The following DHODH variants were observed in gnomAD, a reference collection of about 807,000 sequenced individuals.
DHODH encodes dihydroorotate dehydrogenase (quinone).
In DHODH, 30 loss-of-function variants were observed where a neutral mutation model predicts 39.7. The observed-to-expected ratio is 0.76, with a 90% confidence interval of 0.57 to 1.02. The LOEUF (loss-of-function observed/expected upper bound fraction) is 1.02, where lower values mean the gene tolerates loss of function less well. Ranked by LOEUF, DHODH falls within the 50% of genes least tolerant of loss-of-function variation. The pLI, the probability that DHODH is intolerant of heterozygous loss-of-function variation, is 0.00. For synonymous variants in DHODH, 222 were observed against 213.8 expected (o/e 1.04, Z -0.34); for missense variants, 531 against 520.8 (o/e 1.02, Z -0.19).
At chr16:72,017,352 G>C (rs552170618) in intron 4 of DHODH, among the ~76,000 whole-genome samples, 1 of 152,274 alleles carries the variant, frequency 6.6e-6, no homozygotes, top group Non-Finnish European at 1.5e-5. Flanking sequence ...ACCGTAACTA[G>C]GGAGGCCTGA....
chr16:72,014,629 C>G lies in DHODH; in HGVS notation c.391C>G (p.Pro131Ala), dbSNP rs1168645393. ...AAAACCTCAGGAAGGAAACCCTAGA[C>G]CCAGAGTCTTCCGCCTCCCTGAGGA... ...TPKPQEGNPR[P>A]RVFRLPEDQA... The change falls in exon 3 of 9, where the codon CCC (proline) becomes GCC (alanine). Residue 131 changes from proline (P) to alanine (A), a missense_variant. Transcript: ENST00000219240. The G allele has an allele frequency of 3.7e-6, 6 of 1,614,140 alleles. No homozygotes were observed. Among genetic ancestry groups the G allele is most frequent in the Admixed American group, 1.7e-5 (1 of 60,016 alleles).
At chr16:72,021,404 C>G in intron 5 of DHODH, 93 bp downstream of exon 5, 18 of 1,375,502 alleles carry the variant, frequency 1.3e-5, no homozygotes, top group Admixed American at 2.0e-5. Context: ...GCATCACCCT[C>G]AGAAGCTGTC....
chr16:72,017,217 A>G (rs2041151890), intron 4 of DHODH, 111 bp downstream of exon 4: 2 of 1,111,728 alleles, frequency 1.8e-6, no homozygotes, highest in African/African-American at 1.5e-5. Flanking sequence ...AGCAAAAACC[A>G]CTGAGGACCT....
intron 4 of DHODH, among the ~76,000 whole-genome samples, chr16:72,017,769 G>GTTTTTTTTTTTT (rs1567571747): frequency 1.1e-4 from 8 of 71,954 alleles, no homozygotes; most frequent in Admixed American, 3.4e-4. Flanking sequence ...AAAACAACAT[G>GTTTTTTTTTTTT]CTTTTTTTTT....
At position 72,014,634 on chromosome 16, in the gene DHODH, A is replaced by C. The variant is rs748362867; in HGVS notation, c.396A>C (p.Arg132Ser). The change falls in exon 3 of 9, where the codon AGA (arginine) becomes AGC (serine). Residue 132 changes from arginine (R) to serine (S), a missense_variant. By Grantham distance (110) the Arg-to-Ser change is moderately radical (BLOSUM62 -1). Transcript: ENST00000219240. ...PKPQEGNPRP[R>S]VFRLPEDQAV... is the part of the protein sequence containing the mutation. Reference sequence around the variant, plus strand: ...CTCAGGAAGGAAACCCTAGACCCAGAGTCTTCCGCCTCCCTGAGGACCAAG... The same window carrying C: ...CTCAGGAAGGAAACCCTAGACCCAGCGTCTTCCGCCTCCCTGAGGACCAAG... 3.7e-6 allele frequency: 6 copies of C among 1,614,176 alleles called. No individual in the cohort carries two copies. The highest frequency in any genetic ancestry group is 1.7e-5 in the Admixed American group (1 of 60,024).
Position 72,013,127 on chromosome 16 carries a change from G to T in DHODH, c.234+865G>T, listed in dbSNP as rs2041102742. ...AGGGTCACTGTTATAAATTAAAGGGGCCTTCACCGCATTTTCTCTTCCTAC... is the reference window on the plus strand; with the variant it reads ...AGGGTCACTGTTATAAATTAAAGGGTCCTTCACCGCATTTTCTCTTCCTAC... On this transcript the variant is annotated intron_variant, in intron 2 of 8. Transcript: ENST00000219240. Among the ~76,000 whole-genome samples the T allele has an allele frequency of 2.0e-5, 3 of 152,028 alleles. No individual in the cohort carries two copies. The South Asian group carries it at 6.2e-4, about 32-fold the overall frequency.
At chr16:72,012,484 C>T (rs914084693) in intron 2 of DHODH, among the ~76,000 whole-genome samples, 1 of 152,158 alleles carries the variant, frequency 6.6e-6, no homozygotes, top group African/African-American at 2.4e-5. Context: ...TTTGATCCTC[C>T]CAGCTGCTCC....
Position 72,026,272 on chromosome 16 carries a change from C to G in DHODH, c.*2073C>G, listed in dbSNP as rs916743406. Reference sequence around the variant, plus strand: ...CCTTTCCCATGCTACAGGCATCTACCTTGCTCTGTCCCACCTAATAGCTTC... The same window carrying G: ...CCTTTCCCATGCTACAGGCATCTACGTTGCTCTGTCCCACCTAATAGCTTC... On this transcript the variant is annotated 3_prime_UTR_variant, in exon 9 of 9. Transcript: ENST00000219240. The G allele has an allele frequency of 6.6e-6, 1 of 152,352 alleles. No homozygotes were observed. The highest frequency in any genetic ancestry group is 2.4e-5 in the African/African-American group (1 of 41,458). The allele number at this position is 152,352 out of a possible 1,614,324, so 9.4% of individuals were successfully genotyped here.
At chr16:72,023,096 C>T (rs554519466) in intron 6 of DHODH, 69 bp from the exon 7 acceptor site, 1 of 1,573,250 alleles carries the variant, frequency 6.4e-7, no homozygotes, top group African/African-American at 1.3e-5. Context: ...CTGCCTTCGA[C>T]CTCCAGAGAA....
intron 4 of DHODH, among the ~76,000 whole-genome samples, chr16:72,018,519 C>T (rs549917187): frequency 2.0e-5 from 3 of 152,190 alleles, no homozygotes; most frequent in Non-Finnish European, 4.4e-5. Flanking sequence ...TGCCCGCCTT[C>T]GTGCTTGCTT....
In DHODH at chr16:72,017,117, G is replaced by A. The variant is rs372883267; in HGVS notation, c.517+11G>A. ...CCAAGCTCACAGAAGGTAAAGTGGGGTTGTGTCAGTGGGCCTTTCTTATTT... is the reference window on the plus strand; with the variant it reads ...CCAAGCTCACAGAAGGTAAAGTGGGATTGTGTCAGTGGGCCTTTCTTATTT... On this transcript the variant is annotated intron_variant, in intron 4 of 8. Transcript: ENST00000219240. 3.4e-5 allele frequency: 55 copies of A among 1,613,428 alleles called. No individual in the cohort carries two copies. Among genetic ancestry groups the A allele is most frequent in the Non-Finnish European group, 4.7e-5 (55 of 1,179,400 alleles).
chr16:72,011,335 C>T (rs1450531855), intron 1 of DHODH, among the ~76,000 whole-genome samples: 2 of 152,144 alleles, frequency 1.3e-5, no homozygotes, highest in Non-Finnish European at 2.9e-5. Flanking sequence ...GATATTTGTA[C>T]TGTATGTGAA....
In DHODH at chr16:72,025,480, G is replaced by C. The variant is rs375297532; in HGVS notation, c.*1281G>C. On this transcript the variant is annotated 3_prime_UTR_variant, in exon 9 of 9. Transcript: ENST00000219240. ...GGCCTCGGTCTTTTGAGTGGGGTCT[G>C]TTTACCCAGTCCCCTGTTGGTGATC... The C allele has an allele frequency of 1.2e-4, 18 of 152,330 alleles. No individual in the cohort carries two copies. The East Asian group carries it at 3.5e-3, about 29-fold the overall frequency. The allele number at this position is 152,330 out of a possible 1,614,324, so 9.4% of individuals were successfully genotyped here.
rs1380723660 is a variant in DHODH, at chr16:72,022,432, TCAC to T, written c.779_781del (p.Thr260del). The T allele has an allele frequency of 2.6e-6, 4 of 1,557,132 alleles. No homozygotes were observed. Among genetic ancestry groups the T allele is most frequent in the Non-Finnish European group, 3.5e-6 (4 of 1,150,118 alleles). On this transcript the variant is annotated inframe_deletion, in exon 6 of 9. Transcript: ENST00000219240. ...GTCCTGGTGAAGATCGCTCCTGACC[TCAC>T]CAGCCAGGATAAGGAGGACATTGCC...
At chr16:72,024,108 CTGTT>C in intron 8 of DHODH, 33 bp from the exon 9 acceptor site, 1 of 1,612,662 alleles carries the variant, frequency 6.2e-7, no homozygotes, top group Non-Finnish European at 8.5e-7. Flanking sequence ...CTGTTCTCCA[CTGTT>C]TGCTGAAATT....
intron 2 of DHODH, among the ~76,000 whole-genome samples, chr16:72,014,166 A>G (rs1489381061): frequency 6.6e-6 from 1 of 152,140 alleles, no homozygotes; most frequent in Non-Finnish European, 1.5e-5. Context: ...ATTGGAAAAG[A>G]CAGTGCTCGT....
At chr16:72,010,882 A>G (rs1477644648) in intron 1 of DHODH, among the ~76,000 whole-genome samples, 1 of 151,994 alleles carries the variant, frequency 6.6e-6, no homozygotes, top group African/African-American at 2.4e-5. Flanking sequence ...GCGCACCACC[A>G]TGCCTGGCTA....
intron 4 of DHODH, among the ~76,000 whole-genome samples, chr16:72,020,690 T>C (rs1246695740): frequency 6.6e-6 from 1 of 152,092 alleles, no homozygotes; most frequent in Non-Finnish European, 1.5e-5. Context: ...TCATTTTGTT[T>C]TTTCTTCGCA....
rs2041281737 is a variant in DHODH, at chr16:72,026,986, TGTGTGTGTGTGTGTGTGTGTG to T, written c.*2788_*2808del. ...GTGTGTGTGTGTGTGTGTGTGTGTGTGTGTGTGTGTGTGTGTGTGTGTGTTTTTGAGATGGAGTCCTGCTCT... is the reference window on the plus strand; with the variant it reads ...GTGTGTGTGTGTGTGTGTGTGTGTGTTGTTTTTGAGATGGAGTCCTGCTCT... On this transcript the variant is annotated 3_prime_UTR_variant, in exon 9 of 9. Coordinates refer to ENST00000219240, the MANE Select transcript of DHODH (RefSeq NM_001361.5). 2 of 145,084 alleles carry T rather than the reference TGTGTGTGTGTGTGTGTGTGTG, an allele frequency of 1.4e-5. No individual in the cohort carries two copies. The highest frequency in any genetic ancestry group is 3.1e-5 in the Non-Finnish European group (2 of 65,046). The allele number at this position is 145,084 out of a possible 1,614,324, so 9.0% of individuals were successfully genotyped here. A position where few individuals can be genotyped will look rare whatever the true frequency, so the allele number is the denominator to read the frequency against.
Sources: gnomAD v4.1 joint callset for allele counts (sites outside exome capture counted in the v4.1 genomes callset) on GRCh38, gnomAD v4.1.1 for gene constraint, MANE v1.5 for transcripts, NCBI Gene and HGNC (gene_info 2026-07-23, HGNC 2026-07-21) for gene names.